Variants in AK5 observed in about 807,000 individuals in gnomAD.
The protein encoded by AK5 is adenylate kinase isoenzyme 5.
Under a neutral mutation model 69.5 loss-of-function variants are expected in AK5, and 27 were observed. The observed-to-expected ratio is 0.39, with a 90% confidence interval of 0.29 to 0.54. The LOEUF (loss-of-function observed/expected upper bound fraction) is 0.54. AK5 is among the 20% of genes least tolerant of loss of function. AK5 has a pLI of 0.71. For missense variants in AK5, 531 were observed against 700.4 expected, an observed-to-expected ratio of 0.76 and a Z score of 2.73; for synonymous variants, 260 against 244.4, an observed-to-expected ratio of 1.06 and a Z score of -0.60.
chr1:77,392,124 G>A (rs1648527767), intron 6 of AK5, among the ~76,000 whole-genome samples: 1 of 152,212 alleles, frequency 6.6e-6, no homozygotes, highest in African/African-American at 2.4e-5. Context: ...ATTAACCATT[G>A]ACTGTGAAGA....
chr1:77,336,750 G>A (rs970946074), intron 5 of AK5, among the ~76,000 whole-genome samples: 6 of 152,140 alleles, frequency 3.9e-5, no homozygotes, highest in African/African-American at 1.4e-4. Flanking sequence ...TGTAGGACAG[G>A]TCTGGTGTTG....
At chr1:77,517,502 G>A (rs1557649351) in intron 10 of AK5, among the ~76,000 whole-genome samples, 2 of 152,110 alleles carry the variant, frequency 1.3e-5, no homozygotes, top group Non-Finnish European at 2.9e-5. Context: ...CTGTAAAATG[G>A]GAATAATAAC....
At chr1:77,395,077 A>G (rs1570495970) in intron 6 of AK5, among the ~76,000 whole-genome samples, 1 of 152,286 alleles carries the variant, frequency 6.6e-6, no homozygotes, top group South Asian at 2.1e-4. Context: ...GGAGAGTTCA[A>G]ACATGATATT....
intron 5 of AK5, among the ~76,000 whole-genome samples, chr1:77,307,034 A>G (rs929351034): frequency 6.6e-6 from 1 of 151,630 alleles, no homozygotes; most frequent in Non-Finnish European, 1.5e-5. Flanking sequence ...ATTTCATTTT[A>G]CTTTTCAAAA....
chr1:77,483,246 G>C, intron 8 of AK5, 71 bp from the exon 9 acceptor site: 1 of 1,080,314 alleles, frequency 9.3e-7, no homozygotes, highest in Non-Finnish European at 1.4e-6. Context: ...GTTCAAGTAG[G>C]CCAGTGTTGC....
chr1:77,443,762 CA>C (rs1324484648), intron 8 of AK5, among the ~76,000 whole-genome samples: 1 of 146,098 alleles, frequency 6.8e-6, no homozygotes, highest in Non-Finnish European at 1.5e-5. Context: ...GCTTCTAAAT[CA>C]AGAAAAATAT....
intron 8 of AK5, among the ~76,000 whole-genome samples, chr1:77,446,931 C>G (rs1375697601): frequency 6.6e-6 from 1 of 152,180 alleles, no homozygotes; most frequent in Non-Finnish European, 1.5e-5. Context: ...TGGGGCAAGT[C>G]CTATGAGGAT....
intron 12 of AK5, among the ~76,000 whole-genome samples, chr1:77,534,316 AT>A (rs1658835460): frequency 6.6e-6 from 1 of 152,198 alleles, no homozygotes; most frequent in African/African-American, 2.4e-5. Context: ...ACAAAAGAAC[AT>A]TTAAGAGAAG....
intron 8 of AK5, among the ~76,000 whole-genome samples, chr1:77,431,350 G>A (rs147104674): frequency 7.9e-5 from 12 of 152,110 alleles, no homozygotes; most frequent in African/African-American, 2.2e-4. Context: ...ATGTTTATTG[G>A]GTGGCCTTAG....
chr1:77,507,735 AG>A, intron 10 of AK5, among the ~76,000 whole-genome samples: 1 of 152,242 alleles, frequency 6.6e-6, no homozygotes, highest in Non-Finnish European at 1.5e-5. Context: ...AAATATAAAA[AG>A]AAAAATCAAC....
intron 12 of AK5, among the ~76,000 whole-genome samples, chr1:77,528,583 A>T (rs1181395668): frequency 6.6e-6 from 1 of 152,188 alleles, no homozygotes; most frequent in African/African-American, 2.4e-5. Context: ...GGTTTCTGTT[A>T]CCTTCCTATC....
At chr1:77,487,572 A>G (rs989678078) in intron 10 of AK5, among the ~76,000 whole-genome samples, 1 of 152,242 alleles carries the variant, frequency 6.6e-6, no homozygotes, top group Non-Finnish European at 1.5e-5. Flanking sequence ...AAATATAATC[A>G]GATAAACTTA....
chr1:77,498,191 C>T (rs778769998), intron 10 of AK5, among the ~76,000 whole-genome samples: 10 of 152,120 alleles, frequency 6.6e-5, no homozygotes, highest in African/African-American at 9.7e-5. Flanking sequence ...GGGAAAGGTT[C>T]ACTAAAGTAT....
chr1:77,312,611 TA>T (rs5775383), intron 5 of AK5, among the ~76,000 whole-genome samples: 103,453 of 123,216 alleles, frequency 0.84, 42,961 homozygotes, highest in East Asian at 0.96. Flanking sequence ...CGAGTCTGTC[TA>T]AAAAAAAAAA....
In AK5 at chr1:77,407,540, G is replaced by C. The variant is rs551736158; in HGVS notation, c.892-3441G>C. On this transcript the variant is annotated intron_variant, in intron 6 of 13. Transcript: ENST00000354567. ...CCAAAGGGGCATGAGGAGTCTTTGG[G>C]GGGTGATGGGTATGTTAACTATTTT... Among the ~76,000 whole-genome samples, 4 of 152,252 alleles carry C rather than the reference G, an allele frequency of 2.6e-5. No individual in the cohort carries two copies. In the South Asian group the frequency reaches 8.3e-4, roughly 32 times the overall value.
intron 8 of AK5, among the ~76,000 whole-genome samples, chr1:77,458,515 A>G (rs1217441119): frequency 6.6e-6 from 1 of 152,248 alleles, no homozygotes; most frequent in Non-Finnish European, 1.5e-5. Flanking sequence ...AAGAGGTTTA[A>G]TGGAGAACTC....
chr1:77,291,620 C>G (rs72677862), intron 2 of AK5, among the ~76,000 whole-genome samples: 5,882 of 152,150 alleles, frequency 0.039, 166 homozygotes, highest in South Asian at 0.1. Context: ...TCTGAGTTTT[C>G]TCTATGGGAA....
At chr1:77,412,605 T>G (rs934460794) in intron 7 of AK5, among the ~76,000 whole-genome samples, 7 of 152,142 alleles carry the variant, frequency 4.6e-5, no homozygotes, top group Admixed American at 2.0e-4. Flanking sequence ...CTGTCGCTGT[T>G]AAGGAACAAT....
intron 8 of AK5, among the ~76,000 whole-genome samples, chr1:77,422,958 G>A (rs1650919318): frequency 6.6e-6 from 1 of 152,152 alleles, no homozygotes; most frequent in African/African-American, 2.4e-5. Context: ...GCTCACGCCT[G>A]TAATCCCAGC....
Sources: allele counts gnomAD v4.1 joint callset (sites outside exome capture counted in the v4.1 genomes callset), GRCh38; gene constraint gnomAD v4.1.1; transcripts MANE v1.5; gene names NCBI Gene and HGNC (gene_info 2026-07-23, HGNC 2026-07-21).